UBE2E1: variants seen among roughly 807,000 people sequenced by gnomAD.
UBE2E1 encodes the protein ubiquitin conjugating enzyme E2 E1, also known as ubiquitin-conjugating enzyme E2 E1.
Under a neutral mutation model 21.4 loss-of-function variants are expected in UBE2E1, and 6 were observed. The ratio of observed to expected loss-of-function variants is 0.28; its 90% CI spans 0.15 to 0.55. The LOEUF (loss-of-function observed/expected upper bound fraction) is 0.55, where lower values mean the gene tolerates loss of function less well. Among genes scored for constraint, UBE2E1 ranks in the 20% least tolerant of loss-of-function variants. The probability of loss-of-function intolerance (pLI) is 0.93; values close to 1 mark genes in which losing one functional copy is unlikely to be tolerated. For synonymous variants in UBE2E1, 87 were observed against 82.7 expected (o/e 1.05, Z -0.28); for missense variants, 142 against 236.5 (o/e 0.60, Z 2.62).
At chr3:23,864,501 CT>C (rs1344095101) in intron 3 of UBE2E1, among the ~76,000 whole-genome samples, 1 of 152,122 alleles carries the variant, frequency 6.6e-6, no homozygotes, top group African/African-American at 2.4e-5. Context: ...GAGATTTCAA[CT>C]TTATCTTTTA....
At chr3:23,828,653 G>A (rs1452016514) in intron 3 of UBE2E1, among the ~76,000 whole-genome samples, 1 of 152,178 alleles carries the variant, frequency 6.6e-6, no homozygotes, top group Non-Finnish European at 1.5e-5. Flanking sequence ...TGTGTGCATA[G>A]CACTGAATTA....
chr3:23,846,311 C>T (rs74342926), intron 3 of UBE2E1, among the ~76,000 whole-genome samples: 6 of 152,212 alleles, frequency 3.9e-5, no homozygotes, highest in African/African-American at 1.4e-4. Context: ...TCCTGTAGTC[C>T]TAGCTACTTG....
intron 3 of UBE2E1, among the ~76,000 whole-genome samples, chr3:23,841,431 T>C (rs1417392133): frequency 6.6e-6 from 1 of 152,192 alleles, no homozygotes; most frequent in African/African-American, 2.4e-5. Flanking sequence ...GAATTAGATG[T>C]GCTTTGAGCA....
chr3:23,859,318 T>G (rs1187796753), intron 3 of UBE2E1, among the ~76,000 whole-genome samples: 2 of 152,228 alleles, frequency 1.3e-5, no homozygotes, highest in Non-Finnish European at 2.9e-5. Flanking sequence ...ATTCTTGCTT[T>G]CTTTTACTCC....
At position 23,842,717 on chromosome 3, in the gene UBE2E1, T is replaced by G. The variant is rs1317841727; in HGVS notation, c.203+31207T>G. 1.3e-5 allele frequency among the ~76,000 whole-genome samples: 2 copies of G among 152,240 alleles called. No individual in the cohort carries two copies. The highest frequency in any genetic ancestry group is 4.8e-5 in the African/African-American group (2 of 41,466). ...TGCGCTATTCGGTTTTTAAAAATTT[T>G]AATTTTGGTTTTTGAAGTCACACAT... On this transcript the variant is annotated intron_variant, in intron 3 of 5. Transcript: ENST00000306627. This position sits in a 1 kb window ranked among gnomAD's most constrained non-coding sequence, Gnocchi z 4.6.
chr3:23,864,355 TTTTAAGTTA>T (rs1322886658), intron 3 of UBE2E1, among the ~76,000 whole-genome samples: 5 of 152,142 alleles, frequency 3.3e-5, no homozygotes, highest in African/African-American at 1.2e-4. Context: ...GCCTGGTAAG[TTTTAAGTTA>T]TTTTGGACCT....
Position 23,810,791 on chromosome 3 carries a change from T to G in UBE2E1, c.153-669T>G. 1 of 219,452 alleles carries G rather than the reference T, an allele frequency of 4.6e-6. No homozygotes were observed. The highest frequency in any genetic ancestry group is 9.5e-5 in the East Asian group (1 of 10,548). The allele number at this position is 219,452 out of a possible 1,614,324, so 13.6% of individuals were successfully genotyped here. The stretch of plus-strand genomic sequence containing the variant: ...AACTTCACCGGCGCGGCGCGAGCCG[T>G]CGGGGGCGCGCGCGGGGTGGGGGCG... On this transcript the variant is annotated intron_variant, in intron 2 of 5. Coordinates refer to ENST00000306627, the MANE Select transcript of UBE2E1 (RefSeq NM_003341.5). The surrounding 1 kb of genome is among the most constrained non-coding windows in gnomAD (Gnocchi z 5.8).
intron 3 of UBE2E1, among the ~76,000 whole-genome samples, chr3:23,812,499 G>T (rs1336791453): frequency 6.6e-6 from 1 of 152,204 alleles, no homozygotes; most frequent in African/African-American, 2.4e-5. Flanking sequence ...GTGAACTTTG[G>T]AAACTAATTA....
At chr3:23,845,505 G>T (rs780847962) in intron 3 of UBE2E1, among the ~76,000 whole-genome samples, 5 of 151,528 alleles carry the variant, frequency 3.3e-5, no homozygotes, top group Non-Finnish European at 5.9e-5. Context: ...AGAATTACTT[G>T]AGGCAGTTGT....
intron 3 of UBE2E1, among the ~76,000 whole-genome samples, chr3:23,884,496 A>G (rs910371383): frequency 2.0e-5 from 3 of 152,330 alleles, no homozygotes; most frequent in Middle Eastern, 3.4e-3. Context: ...TAGTCTTTAA[A>G]GTTCCATCGA....
chr3:23,815,135 T>G (rs1167690130), intron 3 of UBE2E1, among the ~76,000 whole-genome samples: 1 of 152,142 alleles, frequency 6.6e-6, no homozygotes, highest in Non-Finnish European at 1.5e-5. Flanking sequence ...CGTTCGACAC[T>G]ACACTCGGTT....
At chr3:23,813,800 C>T (rs1470817552) in intron 3 of UBE2E1, among the ~76,000 whole-genome samples, 1 of 152,178 alleles carries the variant, frequency 6.6e-6, no homozygotes, top group Non-Finnish European at 1.5e-5. Flanking sequence ...CTTGGCCTCC[C>T]AAAGTGCTGG....
intron 3 of UBE2E1, among the ~76,000 whole-genome samples, chr3:23,827,072 T>G (rs1699773509): frequency 6.6e-6 from 1 of 152,158 alleles, no homozygotes; most frequent in Admixed American, 6.5e-5. Flanking sequence ...GGACATTTTT[T>G]TTCACTTATC....
Position 23,879,233 on chromosome 3 carries a change from A to G in UBE2E1, c.204-8334A>G, listed in dbSNP as rs181482115. ...ATACAATGCCATCTGTGCATCTGGC[A>G]TATGACTTCCACAGTGGCCTTACTT... On this transcript the variant is annotated intron_variant, in intron 3 of 5. Transcript: ENST00000306627. The G allele has an allele frequency of 1.1e-4, 93 of 865,484 alleles. No homozygotes were observed. In the African/African-American group the frequency reaches 1.4e-3, roughly 13 times the overall value. The allele number at this position is 865,484 out of a possible 1,614,324, so 53.6% of individuals were successfully genotyped here.
In UBE2E1 at chr3:23,879,301, T is replaced by C. The variant is rs1322617018; in HGVS notation, c.204-8266T>C. 6 of 886,688 alleles carry C rather than the reference T, an allele frequency of 6.8e-6. No individual in the cohort carries two copies. The African/African-American group carries it at 6.9e-5, about 10-fold the overall frequency. 54.9% of individuals were successfully genotyped at this position (886,688 alleles called of 1,614,324 possible). Reference sequence around the variant, plus strand: ...TCCCAGAAGTGAAAAGGGACTGTTTTAGAATTTGCCAAGATTACCTTAATT... The same window carrying C: ...TCCCAGAAGTGAAAAGGGACTGTTTCAGAATTTGCCAAGATTACCTTAATT... On this transcript the variant is annotated intron_variant, in intron 3 of 5. Coordinates refer to ENST00000306627, the MANE Select transcript of UBE2E1 (RefSeq NM_003341.5).
At chr3:23,814,600 A>T (rs1168053791) in intron 3 of UBE2E1, among the ~76,000 whole-genome samples, 1 of 152,102 alleles carries the variant, frequency 6.6e-6, no homozygotes, top group Non-Finnish European at 1.5e-5. Context: ...TAGGGAAAAA[A>T]ATATGTTAAC....
chr3:23,857,367 A>AT (rs1700465389), intron 3 of UBE2E1, among the ~76,000 whole-genome samples: 4 of 152,192 alleles, frequency 2.6e-5, no homozygotes, highest in African/African-American at 9.7e-5. Flanking sequence ...AGAAGCACAC[A>AT]TTTTTGTGAA....
chr3:23,869,749 A>G (rs74468934), intron 3 of UBE2E1, among the ~76,000 whole-genome samples: 1 of 124,142 alleles, frequency 8.1e-6, no homozygotes, highest in Non-Finnish European at 1.7e-5. Flanking sequence ...AAAAAAAAAA[A>G]AAAGATGTCT....
rs997974916 is a variant in UBE2E1, at chr3:23,875,526, A to C, written c.204-12041A>C. On this transcript the variant is annotated intron_variant, in intron 3 of 5. Transcript: ENST00000306627. Reference sequence around the variant, plus strand: ...AGGCCACAAATCATCCTTGTGCGTCACAAAAAGTTATGTCAAAAATTCCTT... The same window carrying C: ...AGGCCACAAATCATCCTTGTGCGTCCCAAAAAGTTATGTCAAAAATTCCTT... 3.9e-5 allele frequency among the ~76,000 whole-genome samples: 6 copies of C among 152,346 alleles called. 1 individual carries two copies. The highest frequency in any genetic ancestry group is 6.5e-5 in the Admixed American group (1 of 15,306).
Sources: gnomAD v4.1 joint callset for allele counts (sites outside exome capture counted in the v4.1 genomes callset) on GRCh38, gnomAD v4.1.1 for gene constraint, Gnocchi (gnomAD v3.1) non-coding constraint, MANE v1.5 for transcripts, NCBI Gene and HGNC (gene_info 2026-07-23, HGNC 2026-07-21) for gene names.